Variants in GALNT13 observed in about 807,000 individuals in gnomAD.
GALNT13 encodes the protein UDP-GalNAc:polypeptide N-acetylgalactosaminyltransferase 13.
GALNT13 carries 28 observed loss-of-function variants against 64.2 expected under a neutral mutation model. The observed-to-expected ratio is 0.44, with a 90% CI of 0.32 to 0.60. The LOEUF (loss-of-function observed/expected upper bound fraction) is 0.60. Ranked by LOEUF, GALNT13 falls within the 20% of genes least tolerant of loss-of-function variation. The pLI, the probability that GALNT13 is intolerant of heterozygous loss-of-function variation, is 0.05. For missense variants in GALNT13, 577 were observed against 669.8 expected (o/e 0.86, Z 1.53); for synonymous variants, 214 against 224.6 (o/e 0.95, Z 0.42).
At chr2:153,384,569 C>A in the GALNT13 span, among the ~76,000 whole-genome samples, 5 of 151,918 alleles carry the variant, frequency 3.3e-5, no homozygotes, top group South Asian at 2.1e-4. Flanking sequence ...AAATTAAGGT[C>A]CAGTCTTGCC....
At chr2:153,589,903 C>T in the GALNT13 span, among the ~76,000 whole-genome samples, 8 of 152,078 alleles carry the variant, frequency 5.3e-5, no homozygotes, top group African/African-American at 1.7e-4. Flanking sequence ...ATATCAAAGG[C>T]CTTCATCAAA....
At chr2:153,577,185 C>A in the GALNT13 span, among the ~76,000 whole-genome samples, 1 of 152,082 alleles carries the variant, frequency 6.6e-6, no homozygotes, top group Admixed American at 6.6e-5. Flanking sequence ...GAGAAATTTT[C>A]AAAAGAATGA....
At chr2:153,755,534 C>T in the GALNT13 span, among the ~76,000 whole-genome samples, 1 of 151,898 alleles carries the variant, frequency 6.6e-6, no homozygotes, top group Non-Finnish European at 1.5e-5. Context: ...ATCCATTGAC[C>T]TCTTGTATGT....
chr2:153,681,722 T>C, the GALNT13 span, among the ~76,000 whole-genome samples: 2 of 151,734 alleles, frequency 1.3e-5, no homozygotes, highest in African/African-American at 4.8e-5. Context: ...TTAAAAACAC[T>C]CTTTTTTATC....
chr2:153,463,095 C>A, the GALNT13 span, among the ~76,000 whole-genome samples: 1 of 152,202 alleles, frequency 6.6e-6, no homozygotes, highest in East Asian at 1.9e-4. Flanking sequence ...CACATAAAAT[C>A]AACTCTTTAT....
At chr2:154,384,480 T>A (rs919188931) in intron 9 of GALNT13, among the ~76,000 whole-genome samples, 1 of 151,872 alleles carries the variant, frequency 6.6e-6, no homozygotes, top group African/African-American at 2.4e-5. Context: ...CACCATTATA[T>A]AATATATCTC....
the GALNT13 span, among the ~76,000 whole-genome samples, chr2:153,694,719 T>A: frequency 6.6e-6 from 1 of 152,198 alleles, no homozygotes; most frequent in Non-Finnish European, 1.5e-5. Flanking sequence ...ATCTTCAAAT[T>A]TGATTTGCTT....
chr2:153,835,704 TCA>T, the GALNT13 span, among the ~76,000 whole-genome samples: 1 of 152,128 alleles, frequency 6.6e-6, no homozygotes, highest in Admixed American at 6.6e-5. Flanking sequence ...CATCTACTTA[TCA>T]CATATATTTA....
intron 4 of GALNT13, among the ~76,000 whole-genome samples, chr2:154,216,347 C>T (rs987963542): frequency 1.3e-5 from 2 of 152,024 alleles, no homozygotes; most frequent in Non-Finnish European, 2.9e-5. Flanking sequence ...AAGCCATTTT[C>T]CTTACATGTT....
chr2:154,056,303 T>C (rs916695457), intron 3 of GALNT13, among the ~76,000 whole-genome samples: 2 of 152,192 alleles, frequency 1.3e-5, no homozygotes, highest in African/African-American at 4.8e-5. Context: ...TTTATTTGGC[T>C]ATAATAATTT....
intron 4 of GALNT13, among the ~76,000 whole-genome samples, chr2:154,227,222 G>T (rs1688666222): frequency 6.6e-6 from 1 of 152,036 alleles, no homozygotes; most frequent in African/African-American, 2.4e-5. Flanking sequence ...GTGGGGAGGG[G>T]CTGTCTCACT....
At chr2:153,431,242 T>A in the GALNT13 span, among the ~76,000 whole-genome samples, 2 of 152,188 alleles carry the variant, frequency 1.3e-5, no homozygotes, top group African/African-American at 2.4e-5. Context: ...TAGTTTAAGT[T>A]AATAACCTAA....
chr2:154,129,461 TAACA>T (rs964465008), intron 3 of GALNT13, among the ~76,000 whole-genome samples: 9 of 152,092 alleles, frequency 5.9e-5, no homozygotes, highest in Non-Finnish European at 1.0e-4. Context: ...AATACCTATA[TAACA>T]ATCAATGCAA....
At chr2:153,087,991 CT>C in the GALNT13 span, among the ~76,000 whole-genome samples, 36 of 150,748 alleles carry the variant, frequency 2.4e-4, no homozygotes, top group East Asian at 3.9e-4. Flanking sequence ...TTTGTTATTT[CT>C]TTTTTTTTCT....
intron 9 of GALNT13, among the ~76,000 whole-genome samples, chr2:154,347,607 T>A (rs1026195546): frequency 1.3e-5 from 2 of 152,182 alleles, no homozygotes; most frequent in African/African-American, 4.8e-5. Context: ...GAGCTCAAAT[T>A]GCCAGACAAA....
At chr2:154,233,037 CAA>C (rs375484057) in intron 4 of GALNT13, among the ~76,000 whole-genome samples, 1,164 of 58,980 alleles carry the variant, frequency 0.02, 5 homozygotes, top group African/African-American at 0.063. Flanking sequence ...GACCCTGTCT[CAA>C]AAAAAAAAAA....
At chr2:154,337,547 C>T (rs1456800140) in intron 9 of GALNT13, among the ~76,000 whole-genome samples, 1 of 151,908 alleles carries the variant, frequency 6.6e-6, no homozygotes, top group Admixed American at 6.6e-5. Context: ...AAGCATACCA[C>T]ATAGTGATAA....
the GALNT13 span, among the ~76,000 whole-genome samples, chr2:153,124,120 C>A: frequency 6.6e-6 from 1 of 152,156 alleles, no homozygotes. Flanking sequence ...TAGCCAGCAG[C>A]CAGCCAGAAA....
the GALNT13 span, among the ~76,000 whole-genome samples, chr2:153,713,099 A>G: frequency 6.6e-6 from 1 of 152,210 alleles, no homozygotes; most frequent in African/African-American, 2.4e-5. Context: ...GAAACAAAGT[A>G]TATGGCAGAT....
Sources: allele counts gnomAD v4.1 joint callset (sites outside exome capture counted in the v4.1 genomes callset), GRCh38; gene constraint gnomAD v4.1.1; transcripts MANE v1.5; gene names NCBI Gene and HGNC (gene_info 2026-07-23, HGNC 2026-07-21).